Variants in RHBDD1 observed in about 807,000 individuals in gnomAD.
RHBDD1 encodes rhomboid-related protein 4.
Under a neutral mutation model 36.3 loss-of-function variants are expected in RHBDD1, and 38 were observed. The ratio of observed to expected loss-of-function variants is 1.05; its 90% CI spans 0.81 to 1.37. The LOEUF (loss-of-function observed/expected upper bound fraction) is 1.37, where lower values mean the gene tolerates loss of function less well. Ranked by LOEUF, RHBDD1 falls within the 40% of genes most tolerant of loss-of-function variation. The probability of loss-of-function intolerance (pLI) is 0.00; values close to 1 mark genes in which losing one functional copy is unlikely to be tolerated. For missense variants in RHBDD1, 393 were observed against 377.6 expected (o/e 1.04, Z -0.34); for synonymous variants, 151 against 136.5 (o/e 1.11, Z -0.74).
At chr2:226,983,889 T>C (rs1192237801) in intron 8 of RHBDD1, among the ~76,000 whole-genome samples, 1 of 152,200 alleles carries the variant, frequency 6.6e-6, no homozygotes. Flanking sequence ...CAAAAATGCT[T>C]CTTTATACCT....
the RHBDD1 span, among the ~76,000 whole-genome samples, chr2:226,805,607 C>T: frequency 1.3e-4 from 20 of 152,188 alleles, no homozygotes; most frequent in Non-Finnish European, 1.9e-4. Context: ...GCTGGTTTTG[C>T]CCCCTTCTTT....
chr2:226,879,717 A>G (rs551581914), intron 5 of RHBDD1, among the ~76,000 whole-genome samples: 4 of 152,358 alleles, frequency 2.6e-5, no homozygotes, highest in South Asian at 4.1e-4. Flanking sequence ...ACCAATGGAT[A>G]TAGGGTCAAA....
intron 3 of RHBDD1, among the ~76,000 whole-genome samples, chr2:226,856,240 A>C (rs1189988394): frequency 6.6e-6 from 1 of 152,228 alleles, no homozygotes; most frequent in Non-Finnish European, 1.5e-5. Context: ...TATGTTTTGC[A>C]TATAGCAAAG....
At chr2:226,941,511 C>T (rs530909081) in intron 8 of RHBDD1, among the ~76,000 whole-genome samples, 6 of 152,298 alleles carry the variant, frequency 3.9e-5, no homozygotes, top group South Asian at 2.1e-4. Context: ...GCGTGCAGTT[C>T]GGGTTTTGTT....
intron 8 of RHBDD1, among the ~76,000 whole-genome samples, chr2:226,941,434 GTGA>G (rs1950659451): frequency 6.6e-6 from 1 of 152,216 alleles, no homozygotes; most frequent in South Asian, 2.1e-4. Flanking sequence ...AGACAAGTAG[GTGA>G]TGAAGTGTGA....
intron 5 of RHBDD1, among the ~76,000 whole-genome samples, chr2:226,871,339 A>G (rs1275814178): frequency 6.6e-6 from 1 of 152,230 alleles, no homozygotes; most frequent in Admixed American, 6.5e-5. Context: ...AAACTTCAGC[A>G]GGCATCTGTT....
intron 8 of RHBDD1, among the ~76,000 whole-genome samples, chr2:226,990,846 G>T (rs1174636140): frequency 6.6e-6 from 1 of 152,128 alleles, no homozygotes; most frequent in African/African-American, 2.4e-5. Flanking sequence ...GACCTCCATT[G>T]ACAAAAACAC....
intron 5 of RHBDD1, among the ~76,000 whole-genome samples, chr2:226,885,020 G>C (rs1245768759): frequency 2.0e-5 from 3 of 152,040 alleles, no homozygotes; most frequent in African/African-American, 7.2e-5. Context: ...ATTGGCAAAG[G>C]CTATCAATAA....
chr2:226,894,434 C>T (rs1373254553), intron 5 of RHBDD1, among the ~76,000 whole-genome samples: 1 of 151,978 alleles, frequency 6.6e-6, no homozygotes, highest in Admixed American at 6.6e-5. Context: ...CCACACATGG[C>T]AAATTTTTGT....
At chr2:226,803,602 A>G in the RHBDD1 span, among the ~76,000 whole-genome samples, 1 of 152,228 alleles carries the variant, frequency 6.6e-6, no homozygotes, top group African/African-American at 2.4e-5. Context: ...ACACAATTGC[A>G]GAGCACTATG....
chr2:226,835,350 T>C (rs925005658), upstream of RHBDD1, among the ~76,000 whole-genome samples: 3 of 152,328 alleles, frequency 2.0e-5, no homozygotes, highest in Non-Finnish European at 4.4e-5. Context: ...TTAATCGAAA[T>C]TCTATTAACT....
intron 3 of RHBDD1, among the ~76,000 whole-genome samples, chr2:226,861,536 T>C (rs528127809): frequency 1.2e-4 from 18 of 152,348 alleles, no homozygotes; most frequent in African/African-American, 3.8e-4. Context: ...TGAGCAAAGA[T>C]GTAGTTAGTT....
chr2:226,888,012 T>C (rs920292732), intron 5 of RHBDD1, among the ~76,000 whole-genome samples: 21 of 152,224 alleles, frequency 1.4e-4, no homozygotes, highest in African/African-American at 5.1e-4. Context: ...TTATACAGCT[T>C]GATGGCCGAC....
chr2:226,801,588 A>G, the RHBDD1 span, among the ~76,000 whole-genome samples: 1 of 152,114 alleles, frequency 6.6e-6, no homozygotes, highest in Non-Finnish European at 1.5e-5. Flanking sequence ...TTGAGTACAC[A>G]TGTTGAATTG....
At chr2:226,907,536 T>G (rs936680861) in intron 6 of RHBDD1, among the ~76,000 whole-genome samples, 2 of 151,720 alleles carry the variant, frequency 1.3e-5, no homozygotes, top group Non-Finnish European at 3.0e-5. Context: ...AACACTTGTT[T>G]TATAGACTGA....
intron 3 of RHBDD1, among the ~76,000 whole-genome samples, chr2:226,863,233 GGAGGCT>G (rs1944018761): frequency 6.6e-6 from 1 of 152,218 alleles, no homozygotes; most frequent in South Asian, 2.1e-4. Context: ...CAGCTACTCA[GGAGGCT>G]GAGGCATAAG....
chr2:226,867,650 A>G (rs1047623968), intron 5 of RHBDD1: 2 of 984,872 alleles, frequency 2.0e-6, no homozygotes, highest in Non-Finnish European at 2.4e-6. Context: ...AAAGAAGCAC[A>G]TAGAAACCAC....
chr2:226,996,411 G>A lies in RHBDD1; in HGVS notation c.*889G>A, dbSNP rs1280230698. 6.6e-6 allele frequency: 1 copy of A among 152,210 alleles called. No individual in the cohort carries two copies. The highest frequency in any genetic ancestry group is 1.9e-4 in the East Asian group (1 of 5,198). 9.4% of individuals were successfully genotyped at this position (152,210 alleles called of 1,614,324 possible). A position where few individuals can be genotyped will look rare whatever the true frequency, so the allele number is the denominator to read the frequency against. On this transcript the variant is annotated 3_prime_UTR_variant, in exon 9 of 9. Transcript: ENST00000392062. ...GCCATTGTACCAGCCACTTGTCCTA[G>A]CCAAATGTCCAAAACACGCCCTTGG...
chr2:226,850,528 A>T (rs76338211), intron 3 of RHBDD1, among the ~76,000 whole-genome samples: 92 of 152,190 alleles, frequency 6.0e-4, no homozygotes, highest in African/African-American at 2.1e-3. Flanking sequence ...TGTTTTTCCC[A>T]GTTAGGAAAG....
Sources: gnomAD v4.1 joint callset for allele counts (sites outside exome capture counted in the v4.1 genomes callset) on GRCh38, gnomAD v4.1.1 for gene constraint, MANE v1.5 for transcripts, NCBI Gene and HGNC (gene_info 2026-07-23, HGNC 2026-07-21) for gene names.